The following FAM193A variants were observed in gnomAD, a reference collection of about 807,000 sequenced individuals.
FAM193A encodes protein FAM193A.
FAM193A carries 22 observed loss-of-function variants against 126.5 expected under a neutral mutation model. The ratio of observed to expected loss-of-function variants is 0.17; its 90% CI spans 0.12 to 0.25. The LOEUF is 0.25. Ranked by LOEUF, FAM193A falls within the 10% of genes least tolerant of loss-of-function variation. The pLI is 1.00. For synonymous variants in FAM193A, 761 were observed against 646.8 expected (o/e 1.18, Z -2.68); for missense variants, 1,675 against 1,672.8 (o/e 1.00, Z -0.02).
intron 1 of FAM193A, among the ~76,000 whole-genome samples, chr4:2,556,033 A>T (rs1381107839): frequency 6.6e-6 from 1 of 150,702 alleles, no homozygotes; most frequent in Non-Finnish European, 1.5e-5. Flanking sequence ...AGTAGCTGGG[A>T]TTACAGGCAT....
intron 4 of FAM193A, 76 bp from the exon 5 acceptor site, chr4:2,630,859 A>ACCTGTG: frequency 1.2e-6 from 1 of 809,384 alleles, no homozygotes. Context: ...GAAGGGCTTC[A>ACCTGTG]GAAAAGATGC....
intron 15 of FAM193A, among the ~76,000 whole-genome samples, chr4:2,691,777 A>AG (rs1271439218): frequency 2.0e-5 from 3 of 151,254 alleles, no homozygotes; most frequent in Non-Finnish European, 4.4e-5. Context: ...CCGTCTCTAA[A>AG]AAAAAAAAAA....
rs1479383226 is a variant in FAM193A, at chr4:2,694,961, A to G, written c.3108A>G (p.Glu1036=). Residue 1036 remains glutamate, a synonymous_variant, in exon 17 of 21, where the codon GAA becomes GAG. Coordinates refer to ENST00000637812, the MANE Select transcript of FAM193A (RefSeq NM_001366318.2). ...GGTTTTGCAGTGACCCTGACTGCGA[A>G]GGGCACCGCTGCGAGAATGGTGTCT... ...PPSVCSDPDC[E]GHRCENGVYD... is the part of the protein sequence containing the mutation. The G allele has an allele frequency of 1.2e-6, 2 of 1,600,916 alleles. No individual in the cohort carries two copies. Among genetic ancestry groups the G allele is most frequent in the Non-Finnish European group, 1.7e-6 (2 of 1,174,818 alleles).
intron 6 of FAM193A, among the ~76,000 whole-genome samples, chr4:2,645,300 G>C (rs922817196): frequency 4.6e-5 from 7 of 152,100 alleles, no homozygotes; most frequent in Non-Finnish European, 7.4e-5. Context: ...GATAGACTTA[G>C]GTATTAGGAA....
At position 2,672,271 on chromosome 4, in the gene FAM193A, C is replaced by T. The variant is rs746806828; in HGVS notation, c.2230C>T (p.Pro744Ser). ...CACACACCCTGCACTGCACCTTTAC[C>T]CTCACATCCATGGACATGTGCCTTT... is the stretch of plus-strand genomic sequence containing the variant. ...KPTHPALHLY[P>S]HIHGHVPLHT... Residue 744 changes from proline to serine, a missense_variant, in exon 13 of 21, where the codon CCT becomes TCT. Physicochemically the swap from Pro to Ser is moderately conservative, Grantham distance 74. Around this residue, in one of 4 missense-constraint regions of FAM193A, gnomAD observed 1,186 missense variants for 1,109.2 expected, o/e 1.07. Transcript: ENST00000637812. 1.2e-6 allele frequency: 2 copies of T among 1,614,072 alleles called. No homozygotes were observed. Among genetic ancestry groups the T allele is most frequent in the African/African-American group, 2.7e-5 (2 of 74,920 alleles).
chr4:2,704,521 C>T (rs1004336770), intron 19 of FAM193A, among the ~76,000 whole-genome samples: 16 of 151,178 alleles, frequency 1.1e-4, no homozygotes, highest in East Asian at 3.9e-4. Flanking sequence ...GTCAAGATCA[C>T]GCCACTGCAT....
intron 1 of FAM193A, among the ~76,000 whole-genome samples, chr4:2,547,954 T>C (rs1449117480): frequency 2.0e-5 from 3 of 151,940 alleles, no homozygotes; most frequent in Non-Finnish European, 4.4e-5. Flanking sequence ...AGGTCTGTAG[T>C]GGTATCATAG....
At chr4:2,648,107 C>T (rs996527320) in intron 7 of FAM193A, among the ~76,000 whole-genome samples, 2 of 152,156 alleles carry the variant, frequency 1.3e-5, no homozygotes, top group South Asian at 2.1e-4. Context: ...TGGATTTTCG[C>T]GGGTTTTCTC....
intron 1 of FAM193A, among the ~76,000 whole-genome samples, chr4:2,563,545 A>T (rs1393150292): frequency 1.5e-4 from 23 of 152,196 alleles, no homozygotes; most frequent in Non-Finnish European, 7.4e-5. Context: ...CAAAAAAAAA[A>T]ACCTCCCAAA....
chr4:2,628,172 C>T (rs1327543641), intron 4 of FAM193A, among the ~76,000 whole-genome samples: 1 of 152,206 alleles, frequency 6.6e-6, no homozygotes, highest in Non-Finnish European at 1.5e-5. Flanking sequence ...GCGTGAGCCA[C>T]CGCGCCCCGC....
chr4:2,639,867 G>A lies in FAM193A; in HGVS notation c.1163+8G>A, dbSNP rs1380853963. ...ACTGGTGTCACAGATCAGGTATTTT[G>A]CCTTAACCCGTATGTGTCTTTGTGG... On this transcript the variant is annotated splice_region_variant and intron_variant, in intron 6 of 20. Coordinates refer to ENST00000637812, the MANE Select transcript of FAM193A (RefSeq NM_001366318.2). 5 of 1,612,770 alleles carry A rather than the reference G, an allele frequency of 3.1e-6. No homozygotes were observed. In the African/African-American group the frequency reaches 5.3e-5, roughly 17 times the overall value.
chr4:2,626,705 T>C (rs1743000171), intron 4 of FAM193A, 128 bp downstream of exon 4: 4 of 582,302 alleles, frequency 6.9e-6, no homozygotes, highest in Non-Finnish European at 1.2e-5. Context: ...CTTTGGTGCC[T>C]GTCAAGACTG....
intron 8 of FAM193A, 51 bp from the exon 9 acceptor site, chr4:2,659,507 T>C (rs1479137751): frequency 8.2e-7 from 1 of 1,220,364 alleles, no homozygotes; most frequent in Non-Finnish European, 1.2e-6. Context: ...TAATGAGCCA[T>C]GTCTCGGGGA....
At chr4:2,550,154 A>T (rs1187207668) in intron 1 of FAM193A, among the ~76,000 whole-genome samples, 1 of 150,942 alleles carries the variant, frequency 6.6e-6, no homozygotes, top group African/African-American at 2.4e-5. Context: ...CTTGTGCCTC[A>T]GCCTCACAGG....
At chr4:2,607,751 C>G (rs1363840756) in intron 2 of FAM193A, 1 of 460,228 alleles carries the variant, frequency 2.2e-6, no homozygotes, top group East Asian at 4.4e-5. Flanking sequence ...CTATGCTGGA[C>G]CATCTGAATG....
At chr4:2,600,806 A>G (rs1001713351) in intron 2 of FAM193A, among the ~76,000 whole-genome samples, 2 of 152,140 alleles carry the variant, frequency 1.3e-5, no homozygotes, top group Non-Finnish European at 2.9e-5. Flanking sequence ...ATGGAATGCA[A>G]ATACTCTGGG....
chr4:2,674,637 A>G (rs748701506), intron 13 of FAM193A, among the ~76,000 whole-genome samples: 6 of 152,058 alleles, frequency 3.9e-5, no homozygotes, highest in Non-Finnish European at 8.8e-5. Flanking sequence ...TGTAATTCTT[A>G]TAATTCATAT....
chr4:2,696,249 A>G, intron 17 of FAM193A, 114 bp from the exon 18 acceptor site: 1 of 699,032 alleles, frequency 1.4e-6, no homozygotes, highest in South Asian at 2.1e-5. Flanking sequence ...CTTATTTTTC[A>G]CAACAAATAT....
intron 2 of FAM193A, among the ~76,000 whole-genome samples, chr4:2,602,641 G>A (rs1414681163): frequency 2.6e-5 from 4 of 151,678 alleles, no homozygotes; most frequent in Admixed American, 2.6e-4. Flanking sequence ...GCATGAGGCT[G>A]GCCATGTTTT....
Sources: allele counts gnomAD v4.1 joint callset (sites outside exome capture counted in the v4.1 genomes callset), GRCh38; gene constraint gnomAD v4.1.1; regional missense constraint gnomAD v4.1.1; transcripts MANE v1.5; gene names NCBI Gene and HGNC (gene_info 2026-07-23, HGNC 2026-07-21).